RCAN2: variants seen among roughly 807,000 people sequenced by gnomAD.
RCAN2 encodes calcipressin-2.
RCAN2 carries 9 observed loss-of-function variants against 23.6 expected under a neutral mutation model. The observed-to-expected ratio is 0.38, with a 90% CI of 0.23 to 0.67. The LOEUF (loss-of-function observed/expected upper bound fraction) is 0.67, where lower values mean the gene tolerates loss of function less well. Ranked by LOEUF, RCAN2 falls within the 30% of genes least tolerant of loss-of-function variation. The pLI is 0.51. For missense variants in RCAN2, 273 were observed against 302.3 expected, an observed-to-expected ratio of 0.90 and a Z score of 0.72; for synonymous variants, 109 against 115.7, an observed-to-expected ratio of 0.94 and a Z score of 0.37.
intron 1 of RCAN2, among the ~76,000 whole-genome samples, chr6:46,461,727 A>G (rs1457301906): frequency 2.0e-5 from 3 of 152,148 alleles, no homozygotes; most frequent in Non-Finnish European, 2.9e-5. Context: ...CTGGGATTAC[A>G]GGCATGTGCC....
chr6:46,416,061 TACAG>T (rs1180579357), intron 2 of RCAN2, among the ~76,000 whole-genome samples: 3 of 152,228 alleles, frequency 2.0e-5, no homozygotes, highest in African/African-American at 4.8e-5. Context: ...ATATGTTCAG[TACAG>T]ACACAGTATT....
intron 2 of RCAN2, among the ~76,000 whole-genome samples, chr6:46,348,648 C>G (rs751545144): frequency 2.0e-5 from 3 of 152,156 alleles, no homozygotes; most frequent in Non-Finnish European, 2.9e-5. Context: ...AAGTCATTTA[C>G]TATATCTGGG....
Position 46,294,701 on chromosome 6 carries a change from T to C in RCAN2, c.226-45805A>G, listed in dbSNP as rs149818429. On this transcript the variant is annotated intron_variant, in intron 2 of 4. Transcript: ENST00000371374. The stretch of plus-strand genomic sequence containing the variant: ...CAATAAAGTGATATATGGAGCATGA[T>C]CCCAATGATGATTAGAAAAACTATT... Among the ~76,000 whole-genome samples, 4 of 152,252 alleles carry C rather than the reference T, an allele frequency of 2.6e-5. 1 individual carries two copies. In the East Asian group the frequency reaches 7.7e-4, roughly 29 times the overall value.
chr6:46,341,175 G>A lies in RCAN2; in HGVS notation c.226-92279C>T, dbSNP rs554064234. ...CATTATGATTATATCTCTGAATCTT[G>A]TCAAGCTGCAGGCTGCCAATGCCCT... On this transcript the variant is annotated intron_variant, in intron 2 of 4. Coordinates refer to ENST00000371374, the MANE Select transcript of RCAN2 (RefSeq NM_001251974.2). 3.3e-5 allele frequency among the ~76,000 whole-genome samples: 5 copies of A among 152,250 alleles called. No homozygotes were observed. The East Asian group carries it at 9.7e-4, about 29-fold the overall frequency.
chr6:46,402,347 T>C (rs1358504824), intron 2 of RCAN2, among the ~76,000 whole-genome samples: 2 of 152,166 alleles, frequency 1.3e-5, no homozygotes, highest in African/African-American at 2.4e-5. Flanking sequence ...GGAAGGCCTC[T>C]GGAGCAGCCT....
intron 2 of RCAN2, among the ~76,000 whole-genome samples, chr6:46,395,086 T>C (rs1766050204): frequency 6.6e-6 from 1 of 152,158 alleles, no homozygotes; most frequent in African/African-American, 2.4e-5. Flanking sequence ...AGATAGATCA[T>C]GAATTTATTT....
intron 2 of RCAN2, among the ~76,000 whole-genome samples, chr6:46,412,568 A>G (rs561120575): frequency 4.1e-4 from 62 of 152,368 alleles, no homozygotes; most frequent in Admixed American, 4.0e-3. Context: ...TAAGACACTG[A>G]AAAGAAGTAG....
intron 2 of RCAN2, among the ~76,000 whole-genome samples, chr6:46,440,938 T>C (rs1767523381): frequency 6.6e-6 from 1 of 152,196 alleles, no homozygotes; most frequent in Non-Finnish European, 1.5e-5. Context: ...GGCTATGATA[T>C]AAAAGCACAA....
chr6:46,339,340 G>A (rs1200685179), intron 2 of RCAN2, among the ~76,000 whole-genome samples: 1 of 152,092 alleles, frequency 6.6e-6, no homozygotes, highest in African/African-American at 2.4e-5. Flanking sequence ...AGGAAGGAGA[G>A]TTAGAGAAGA....
At chr6:46,416,148 T>C (rs1230675227) in intron 2 of RCAN2, among the ~76,000 whole-genome samples, 1 of 152,068 alleles carries the variant, frequency 6.6e-6, no homozygotes, top group African/African-American at 2.4e-5. Context: ...GATAACTGTA[T>C]ATGAATTATC....
At chr6:46,292,064 A>C (rs1482278282) in intron 2 of RCAN2, among the ~76,000 whole-genome samples, 1 of 152,214 alleles carries the variant, frequency 6.6e-6, no homozygotes, top group Non-Finnish European at 1.5e-5. Context: ...ATACCCCTTG[A>C]AATTGCCTGC....
rs967084234 is a variant in RCAN2 at position 46,243,830 on chromosome 6, AAAC to A, written c.571+2915_571+2917del. On this transcript the variant is annotated intron_variant, in intron 4 of 4. Coordinates refer to ENST00000371374, the MANE Select transcript of RCAN2 (RefSeq NM_001251974.2). ...GTCTCAAAAAAAAAAAAAAAAAAAA[AAAC>A]CAAGAAATAATTCTTGATTCAGGGT... is the stretch of plus-strand genomic sequence containing the variant. Among the ~76,000 whole-genome samples the A allele has an allele frequency of 6.0e-5, 9 of 150,636 alleles. No homozygotes were observed. In the South Asian group the frequency reaches 1.3e-3, roughly 21 times the overall value.
Position 46,221,637 on chromosome 6 carries a change from T to C in RCAN2, c.*1504A>G, listed in dbSNP as rs762853167. 3.2e-6 allele frequency: 1 copy of C among 311,826 alleles called. No individual in the cohort carries two copies. Among genetic ancestry groups the C allele is most frequent in the Non-Finnish European group, 5.8e-6 (1 of 171,448 alleles). 19.3% of individuals were successfully genotyped at this position (311,826 alleles called of 1,614,324 possible). A position where few individuals can be genotyped will look rare whatever the true frequency, so the allele number is the denominator to read the frequency against. ...ATTTCTGAGTGATCAGTCTATGTTT[T>C]AAGTTTCTGATGAAACTAACATACA... is the stretch of plus-strand genomic sequence containing the variant. On this transcript the variant is annotated 3_prime_UTR_variant, in exon 5 of 5. Transcript: ENST00000371374.
rs1765241100 is a variant in RCAN2, at chr6:46,368,591, G to T, written c.225+88161C>A. 2.6e-5 allele frequency among the ~76,000 whole-genome samples: 4 copies of T among 152,268 alleles called. No homozygotes were observed. The South Asian group carries it at 8.3e-4, about 32-fold the overall frequency. On this transcript the variant is annotated intron_variant, in intron 2 of 4. Transcript: ENST00000371374. ...TTATTGCTCTAAGCTACAAACCTGT[G>T]TGGCATGTTACTCTACTGAATACTG...
intron 4 of RCAN2, among the ~76,000 whole-genome samples, chr6:46,234,856 T>C (rs948861916): frequency 6.6e-6 from 1 of 152,230 alleles, no homozygotes; most frequent in African/African-American, 2.4e-5. Context: ...TGTGACAATG[T>C]CCCAATTCCT....
chr6:46,324,334 A>G lies in RCAN2; in HGVS notation c.226-75438T>C, dbSNP rs908261116. 1.7e-4 allele frequency among the ~76,000 whole-genome samples: 26 copies of G among 152,274 alleles called. 1 individual carries two copies. Among genetic ancestry groups the G allele is most frequent in the African/African-American group, 6.3e-4 (26 of 41,474 alleles). ...ATCAAATCTATTTCAAAAGATTGTTAAAGCTGCAATCTTGAATGACATAGC... is the reference window on the plus strand; with the variant it reads ...ATCAAATCTATTTCAAAAGATTGTTGAAGCTGCAATCTTGAATGACATAGC... On this transcript the variant is annotated intron_variant, in intron 2 of 4. Transcript: ENST00000371374.
At chr6:46,385,450 C>T (rs1281300482) in intron 2 of RCAN2, among the ~76,000 whole-genome samples, 2 of 152,136 alleles carry the variant, frequency 1.3e-5, no homozygotes, top group African/African-American at 4.8e-5. Context: ...AATGGGGAAA[C>T]GTTTCCCTAT....
intron 2 of RCAN2, among the ~76,000 whole-genome samples, chr6:46,453,264 A>G (rs982694835): frequency 2.0e-5 from 3 of 152,228 alleles, no homozygotes; most frequent in Non-Finnish European, 4.4e-5. Flanking sequence ...AAAAATATTT[A>G]TACTTCAAGC....
intron 2 of RCAN2, among the ~76,000 whole-genome samples, chr6:46,320,836 TG>T: frequency 6.6e-6 from 1 of 152,294 alleles, no homozygotes; most frequent in East Asian, 1.9e-4. Flanking sequence ...AGAGAGCTAT[TG>T]GGCTTAAAAC....
Sources: gnomAD v4.1 joint callset for allele counts (sites outside exome capture counted in the v4.1 genomes callset) on GRCh38, gnomAD v4.1.1 for gene constraint, MANE v1.5 for transcripts, NCBI Gene and HGNC (gene_info 2026-07-23, HGNC 2026-07-21) for gene names.